SPON1: variants seen among roughly 807,000 people sequenced by gnomAD.
SPON1 encodes spondin-1.
A neutral mutation model predicts 111.7 loss-of-function variants in SPON1; 52 were observed. The ratio of observed to expected loss-of-function variants is 0.47; its 90% CI spans 0.37 to 0.59. The LOEUF is 0.59. Among genes scored for constraint, SPON1 ranks in the 20% least tolerant of loss-of-function variants. The probability of loss-of-function intolerance (pLI) is 0.00; values close to 1 mark genes in which losing one functional copy is unlikely to be tolerated. For synonymous variants in SPON1, 410 were observed against 395.8 expected, an observed-to-expected ratio of 1.04 and a Z score of -0.43; for missense variants, 957 against 1,068.5, an observed-to-expected ratio of 0.90 and a Z score of 1.46.
chr11:14,170,759 C>T (rs1243614235), intron 6 of SPON1, among the ~76,000 whole-genome samples: 1 of 152,050 alleles, frequency 6.6e-6, no homozygotes, highest in Non-Finnish European at 1.5e-5. Flanking sequence ...AATCATGTGG[C>T]TTTTGTCTTT....
chr11:14,147,017 CTTTTTTTTTTTTTTTTT>C (rs34930543), intron 6 of SPON1, among the ~76,000 whole-genome samples: 3 of 64,992 alleles, frequency 4.6e-5, no homozygotes, highest in Non-Finnish European at 8.0e-5. Flanking sequence ...ATGAAAGAAC[CTTTTTTTTTTTTTTTTT>C]TTTTTTTTTT....
At chr11:14,144,032 T>A (rs543733831) in intron 6 of SPON1, among the ~76,000 whole-genome samples, 7 of 152,122 alleles carry the variant, frequency 4.6e-5, no homozygotes, top group Non-Finnish European at 7.4e-5. Flanking sequence ...CTCGAGTAGG[T>A]CACCTAAGCT....
chr11:14,171,443 C>T (rs11499708), intron 6 of SPON1, among the ~76,000 whole-genome samples: 59,639 of 152,008 alleles, frequency 0.39, 11,952 homozygotes, highest in East Asian at 0.55. Context: ...AAAAAACCAC[C>T]TCCTGGATTC....
chr11:14,243,045 G>A (rs1848946189), intron 6 of SPON1, among the ~76,000 whole-genome samples: 1 of 152,236 alleles, frequency 6.6e-6, no homozygotes, highest in East Asian at 1.9e-4. Flanking sequence ...GCAGAATCCA[G>A]GCCAGATCTC....
chr11:14,003,245 G>C (rs1848333139), intron 2 of SPON1, among the ~76,000 whole-genome samples: 1 of 152,146 alleles, frequency 6.6e-6, no homozygotes, highest in Non-Finnish European at 1.5e-5. Flanking sequence ...TCCTGAAGTG[G>C]GGCTGGTTGG....
chr11:14,123,642 A>G (rs1847422471), intron 5 of SPON1, among the ~76,000 whole-genome samples: 2 of 152,214 alleles, frequency 1.3e-5, no homozygotes, highest in South Asian at 4.1e-4. Flanking sequence ...TCAAAGATTT[A>G]AGGGGACTTC....
intron 5 of SPON1, among the ~76,000 whole-genome samples, chr11:14,116,362 G>A (rs1849267051): frequency 6.6e-6 from 1 of 152,018 alleles, no homozygotes; most frequent in Non-Finnish European, 1.5e-5. Context: ...AAGCTTCATA[G>A]TTTTTATCTT....
intron 6 of SPON1, among the ~76,000 whole-genome samples, chr11:14,216,980 T>C (rs913231638): frequency 1.3e-5 from 2 of 152,248 alleles, no homozygotes; most frequent in Non-Finnish European, 2.9e-5. Flanking sequence ...GAGGCAGATA[T>C]AGCAACAGCA....
chr11:13,981,792 G>A (rs1157839263), intron 1 of SPON1, among the ~76,000 whole-genome samples: 5 of 152,132 alleles, frequency 3.3e-5, no homozygotes, highest in African/African-American at 9.7e-5. Context: ...GTGATTTTCC[G>A]TGGGGTTGTT....
At chr11:14,023,258 C>A (rs560484830) in intron 2 of SPON1, among the ~76,000 whole-genome samples, 1 of 152,136 alleles carries the variant, frequency 6.6e-6, no homozygotes, top group African/African-American at 2.4e-5. Flanking sequence ...TTTAAATGTG[C>A]GCTCTGGCTT....
At chr11:14,162,539 C>G (rs1847978323) in intron 6 of SPON1, among the ~76,000 whole-genome samples, 1 of 152,232 alleles carries the variant, frequency 6.6e-6, no homozygotes, top group Admixed American at 6.5e-5. Flanking sequence ...GCAGAACCAT[C>G]TGAGTATAGA....
At position 14,260,684 on chromosome 11, in the gene SPON1, C is replaced by G; in HGVS notation, c.1928C>G (p.Ser643Cys). Residue 643 changes from serine to cysteine, a missense_variant, in exon 14 of 16, where the codon TCT becomes TGT. Around this residue, in one of 5 missense-constraint regions of SPON1, gnomAD observed 549 missense variants for 606.2 expected, o/e 0.91. Transcript: ENST00000576479. ...CGAACCCGACAGCGGATGCTCAAGT[C>G]TCTGGCAGAACTTGGAGACTGCAAT... ...GMRTRQRMLK[S>C]LAELGDCNED... 6.2e-7 allele frequency: 1 copy of G among 1,613,980 alleles called. No individual in the cohort carries two copies. Among genetic ancestry groups the G allele is most frequent in the Non-Finnish European group, 8.5e-7 (1 of 1,179,892 alleles).
At chr11:14,001,347 G>A (rs114456210) in intron 2 of SPON1, among the ~76,000 whole-genome samples, 13 of 152,150 alleles carry the variant, frequency 8.5e-5, no homozygotes, top group African/African-American at 3.1e-4. Context: ...GAAAATCAGA[G>A]AAATCTCCTC....
At chr11:14,010,639 C>T (rs1323012380) in intron 2 of SPON1, among the ~76,000 whole-genome samples, 9 of 152,220 alleles carry the variant, frequency 5.9e-5, no homozygotes, top group East Asian at 3.9e-4. Flanking sequence ...TCATAGGGAA[C>T]ACCACACCAC....
intron 6 of SPON1, among the ~76,000 whole-genome samples, chr11:14,147,333 T>C (rs1847733404): frequency 6.6e-6 from 1 of 151,110 alleles, no homozygotes; most frequent in Admixed American, 6.6e-5. Flanking sequence ...TGCGCCTGGC[T>C]GGAACCATTT....
At chr11:13,976,656 G>T (rs1468185356) in intron 1 of SPON1, among the ~76,000 whole-genome samples, 1 of 152,042 alleles carries the variant, frequency 6.6e-6, no homozygotes, top group South Asian at 2.1e-4. Context: ...ACAAAAGTTG[G>T]GATATTTATC....
At chr11:14,246,567 C>A (rs1848992423) in intron 7 of SPON1, among the ~76,000 whole-genome samples, 1 of 152,264 alleles carries the variant, frequency 6.6e-6, no homozygotes, top group Non-Finnish European at 1.5e-5. Context: ...ATGAAATTAA[C>A]AATGTGACCA....
In SPON1 at chr11:14,266,829, A is replaced by T. The variant is rs1266471829; in HGVS notation, c.*1142A>T. 6.6e-6 allele frequency: 1 copy of T among 152,186 alleles called. No homozygotes were observed. Among genetic ancestry groups the T allele is most frequent in the African/African-American group, 2.4e-5 (1 of 41,436 alleles). 9.4% of individuals were successfully genotyped at this position (152,186 alleles called of 1,614,324 possible). On this transcript the variant is annotated 3_prime_UTR_variant, in exon 16 of 16. Coordinates refer to ENST00000576479, the MANE Select transcript of SPON1 (RefSeq NM_006108.4). ...ATTCTGGTGGAAAGTCAAACCTGTC[A>T]GTGCTCCACACCAGGGCTGTGGTCC...
rs199711407 is a variant in SPON1 at position 14,190,200 on chromosome 11, A to G, written c.826-53132A>G. Among the ~76,000 whole-genome samples, 8 of 150,502 alleles carry G rather than the reference A, an allele frequency of 5.3e-5. No homozygotes were observed. In the East Asian group the frequency reaches 1.4e-3, roughly 26 times the overall value. ...CTATGTGAACTTCCTCAGCCAAGCA[A>G]GAACAAGCTGTACAAGGGCAGGTCC... is the stretch of plus-strand genomic sequence containing the variant. On this transcript the variant is annotated intron_variant, in intron 6 of 15. Coordinates refer to ENST00000576479, the MANE Select transcript of SPON1 (RefSeq NM_006108.4).
Sources: allele counts gnomAD v4.1 joint callset (sites outside exome capture counted in the v4.1 genomes callset), GRCh38; gene constraint gnomAD v4.1.1; regional missense constraint gnomAD v4.1.1; transcripts MANE v1.5; gene names NCBI Gene and HGNC (gene_info 2026-07-23, HGNC 2026-07-21).